Variants in KCNB2 observed in about 807,000 individuals in gnomAD.
KCNB2 encodes the protein potassium voltage-gated channel subfamily B member 2, also known as delayed rectifier potassium channel protein.
Under a neutral mutation model 61.5 loss-of-function variants are expected in KCNB2, and 15 were observed. That is an observed-to-expected ratio of 0.24 (90% CI 0.16 to 0.38). The LOEUF (loss-of-function observed/expected upper bound fraction) is 0.38, where lower values mean the gene tolerates loss of function less well. Ranked by LOEUF, KCNB2 falls within the 10% of genes least tolerant of loss-of-function variation. The probability of loss-of-function intolerance (pLI) is 1.00; values close to 1 mark genes in which losing one functional copy is unlikely to be tolerated. For synonymous variants in KCNB2, 457 were observed against 446.0 expected, an observed-to-expected ratio of 1.02 and a Z score of -0.31; for missense variants, 828 against 1,125.2, an observed-to-expected ratio of 0.74 and a Z score of 3.78.
At chr8:72,925,802 T>C (rs1460580517) in intron 2 of KCNB2, among the ~76,000 whole-genome samples, 1 of 152,196 alleles carries the variant, frequency 6.6e-6, no homozygotes, top group Non-Finnish European at 1.5e-5. Context: ...AGTATATTCA[T>C]GGCAGCACTA....
chr8:72,769,414 A>G (rs1421743338), intron 2 of KCNB2, among the ~76,000 whole-genome samples: 1 of 152,158 alleles, frequency 6.6e-6, no homozygotes, highest in Non-Finnish European at 1.5e-5. Context: ...TCAGATAAAC[A>G]AACAAAAAAA....
intron 2 of KCNB2, chr8:72,874,942 C>T (rs1231077288): frequency 6.6e-6 from 1 of 152,256 alleles, no homozygotes; most frequent in Non-Finnish European, 1.5e-5. Flanking sequence ...TAATTTGTTG[C>T]TTTCAAGAGT....
chr8:72,784,501 A>C (rs1488624503), intron 2 of KCNB2, among the ~76,000 whole-genome samples: 2 of 152,176 alleles, frequency 1.3e-5, no homozygotes, highest in Non-Finnish European at 2.9e-5. Context: ...TAATTGACTC[A>C]CAGTTCCACA....
In KCNB2 at chr8:72,860,965, A is replaced by G. The variant is rs551950385; in HGVS notation, c.580-74970A>G. Among the ~76,000 whole-genome samples, 6 of 152,332 alleles carry G rather than the reference A, an allele frequency of 3.9e-5. No individual in the cohort carries two copies. In the East Asian group the frequency reaches 9.6e-4, roughly 24 times the overall value. Reference sequence around the variant, plus strand: ...GCTGTGTCATCTCTTTAATACCACTAAAGTTCTTTACAAAATATAAAGCAT... The same window carrying G: ...GCTGTGTCATCTCTTTAATACCACTGAAGTTCTTTACAAAATATAAAGCAT... On this transcript the variant is annotated intron_variant, in intron 2 of 2. Transcript: ENST00000523207.
chr8:72,599,317 T>C (rs1429498860), intron 2 of KCNB2, among the ~76,000 whole-genome samples: 1 of 152,168 alleles, frequency 6.6e-6, no homozygotes, highest in Non-Finnish European at 1.5e-5. Context: ...TATCTGATCT[T>C]TGACAAACCT....
At chr8:72,893,863 C>T (rs1563415851) in intron 2 of KCNB2, among the ~76,000 whole-genome samples, 1 of 152,024 alleles carries the variant, frequency 6.6e-6, no homozygotes, top group African/African-American at 2.4e-5. Flanking sequence ...AGGTTTGAAC[C>T]CAGGGGTGTG....
intron 2 of KCNB2, among the ~76,000 whole-genome samples, chr8:72,613,578 C>G (rs1805572341): frequency 6.6e-6 from 1 of 152,186 alleles, no homozygotes; most frequent in African/African-American, 2.4e-5. Flanking sequence ...ATCTGACCAT[C>G]TGTGGAGTGT....
At chr8:72,644,919 A>G (rs558639032) in intron 2 of KCNB2, among the ~76,000 whole-genome samples, 88 of 152,322 alleles carry the variant, frequency 5.8e-4, no homozygotes, top group African/African-American at 1.9e-3. Context: ...GTCTGGTGAT[A>G]GGCATGTTGG....
intron 2 of KCNB2, among the ~76,000 whole-genome samples, chr8:72,572,613 A>AC (rs2128979474): frequency 1.3e-5 from 2 of 151,744 alleles, no homozygotes; most frequent in South Asian, 4.2e-4. Flanking sequence ...AGACACACAC[A>AC]CACACAGGCA....
chr8:72,755,545 C>T (rs533150107), intron 2 of KCNB2, among the ~76,000 whole-genome samples: 1 of 152,224 alleles, frequency 6.6e-6, no homozygotes, highest in African/African-American at 2.4e-5. Flanking sequence ...AACGATTTGA[C>T]CAGACACTTC....
At chr8:72,870,544 G>A (rs73686552) in intron 2 of KCNB2, among the ~76,000 whole-genome samples, 3 of 152,118 alleles carry the variant, frequency 2.0e-5, no homozygotes, top group Non-Finnish European at 4.4e-5. Context: ...AAAGGAAACA[G>A]TGTGTCCCAT....
At chr8:72,661,552 G>A (rs971359693) in intron 2 of KCNB2, 4 of 152,146 alleles carry the variant, frequency 2.6e-5, no homozygotes, top group Admixed American at 6.5e-5. Context: ...AGGATACTCT[G>A]CCATTTTACT....
rs116243003 is a variant in KCNB2, at chr8:72,687,997, A to G, written c.579+119684A>G. ...CTGTGAGACAAAGTGTGGAAAGACC[A>G]GAGGCCGAATCTCCTCTTTACTGGA... On this transcript the variant is annotated intron_variant, in intron 2 of 2. Coordinates refer to ENST00000523207, the MANE Select transcript of KCNB2 (RefSeq NM_004770.3). Among the ~76,000 whole-genome samples, 821 of 152,288 alleles carry G rather than the reference A, an allele frequency of 5.4e-3. 8 individuals are homozygous for G. The highest frequency in any genetic ancestry group is 0.018 in the African/African-American group (762 of 41,546).
intron 2 of KCNB2, among the ~76,000 whole-genome samples, chr8:72,708,375 G>A (rs977518494): frequency 2.0e-5 from 3 of 152,200 alleles, no homozygotes; most frequent in Admixed American, 6.5e-5. Flanking sequence ...CTAAGCGCTC[G>A]TGGAGGTGAA....
chr8:72,613,558 A>G (rs549193369), intron 2 of KCNB2, among the ~76,000 whole-genome samples: 34 of 152,322 alleles, frequency 2.2e-4, no homozygotes, highest in African/African-American at 7.7e-4. Context: ...ATGTTTCACT[A>G]TGTATTAAGA....
At chr8:72,931,344 G>T (rs1379019498) in intron 2 of KCNB2, among the ~76,000 whole-genome samples, 4 of 152,154 alleles carry the variant, frequency 2.6e-5, no homozygotes, top group African/African-American at 9.7e-5. Context: ...GAAAGTCATT[G>T]GTAGCTTGAT....
At chr8:72,768,511 G>T (rs999455488) in intron 2 of KCNB2, among the ~76,000 whole-genome samples, 1 of 151,612 alleles carries the variant, frequency 6.6e-6, no homozygotes, top group Non-Finnish European at 1.5e-5. Context: ...TTTTTTTGGT[G>T]CTGTATTATA....
At chr8:72,773,196 T>C (rs774353555) in intron 2 of KCNB2, among the ~76,000 whole-genome samples, 5 of 152,214 alleles carry the variant, frequency 3.3e-5, no homozygotes, top group Non-Finnish European at 7.3e-5. Context: ...TGTGAATTAT[T>C]TGATAGATGA....
chr8:72,928,253 C>T (rs369854876), intron 2 of KCNB2, among the ~76,000 whole-genome samples: 7 of 148,294 alleles, frequency 4.7e-5, no homozygotes, highest in East Asian at 2.0e-4. Flanking sequence ...AGTATGGTGA[C>T]GCAATCTCGG....
Sources: allele counts gnomAD v4.1 joint callset (sites outside exome capture counted in the v4.1 genomes callset), GRCh38; gene constraint gnomAD v4.1.1; transcripts MANE v1.5; gene names NCBI Gene and HGNC (gene_info 2026-07-23, HGNC 2026-07-21).